The following PDE4B variants were observed in gnomAD, a reference collection of about 807,000 sequenced individuals.
PDE4B encodes the protein phosphodiesterase 4B.
Under a neutral mutation model 82.2 loss-of-function variants are expected in PDE4B, and 20 were observed. That is an observed-to-expected ratio of 0.24 (90% CI 0.17 to 0.35). PDE4B has a LOEUF of 0.35. Ranked by LOEUF, PDE4B falls within the 10% of genes least tolerant of loss-of-function variation. The pLI, the probability that PDE4B is intolerant of heterozygous loss-of-function variation, is 1.00. For synonymous variants in PDE4B, 320 were observed against 318.9 expected, an observed-to-expected ratio of 1.00 and a Z score of -0.04; for missense variants, 655 against 907.2, an observed-to-expected ratio of 0.72 and a Z score of 3.57.
At chr1:66,206,927 A>G (rs1047307024) in intron 3 of PDE4B, among the ~76,000 whole-genome samples, 1 of 152,236 alleles carries the variant, frequency 6.6e-6, no homozygotes, top group Non-Finnish European at 1.5e-5. Flanking sequence ...AGCCCAGCTT[A>G]TCATGGACTG....
intron 1 of PDE4B, among the ~76,000 whole-genome samples, chr1:65,844,760 A>G (rs941869192): frequency 6.6e-5 from 10 of 152,180 alleles, no homozygotes; most frequent in African/African-American, 1.7e-4. Flanking sequence ...GGGAGGATAT[A>G]CTAGGCATTC....
At chr1:65,918,565 CTT>C in intron 2 of PDE4B, 30 bp from the exon 3 acceptor site, 1 of 1,276,716 alleles carries the variant, frequency 7.8e-7, no homozygotes, top group Non-Finnish European at 1.1e-6. Context: ...TTTTCTTTCT[CTT>C]CTTTTTTTCT....
At chr1:66,133,286 A>G (rs548354552) in intron 3 of PDE4B, among the ~76,000 whole-genome samples, 5 of 152,314 alleles carry the variant, frequency 3.3e-5, no homozygotes, top group African/African-American at 1.2e-4. Flanking sequence ...CTTCCCATAT[A>G]TTAGAGACAG....
At chr1:65,822,415 T>C (rs1645963728) in intron 1 of PDE4B, among the ~76,000 whole-genome samples, 1 of 152,260 alleles carries the variant, frequency 6.6e-6, no homozygotes, top group South Asian at 2.1e-4. Flanking sequence ...AAATGATGCC[T>C]TTTTTTCCCC....
chr1:65,845,922 A>G (rs1237695301), intron 1 of PDE4B, among the ~76,000 whole-genome samples: 1 of 152,142 alleles, frequency 6.6e-6, no homozygotes, highest in Non-Finnish European at 1.5e-5. Flanking sequence ...TAGGGAAGTA[A>G]ATTACCATCT....
chr1:66,256,665 G>T (rs991248668), intron 4 of PDE4B, among the ~76,000 whole-genome samples: 1 of 152,154 alleles, frequency 6.6e-6, no homozygotes, highest in Non-Finnish European at 1.5e-5. Context: ...GGAGCCCCAG[G>T]CCTCGTGTGG....
intron 3 of PDE4B, among the ~76,000 whole-genome samples, chr1:66,032,963 T>C (rs1176614904): frequency 1.3e-5 from 2 of 152,160 alleles, no homozygotes; most frequent in African/African-American, 4.8e-5. Context: ...CTCATTTATC[T>C]AATTCTTAAT....
intron 3 of PDE4B, among the ~76,000 whole-genome samples, chr1:66,013,964 G>A (rs950697742): frequency 9.2e-5 from 14 of 151,968 alleles, no homozygotes; most frequent in South Asian, 4.1e-4. Context: ...ATTATTTTCT[G>A]TTATTTTTTT....
chr1:66,343,119 C>A (rs1661134620), intron 8 of PDE4B, among the ~76,000 whole-genome samples: 1 of 151,898 alleles, frequency 6.6e-6, no homozygotes. Flanking sequence ...GAGGGAAAAT[C>A]CATTTACAGG....
chr1:66,006,781 A>G (rs75214587), intron 3 of PDE4B, among the ~76,000 whole-genome samples: 1 of 152,048 alleles, frequency 6.6e-6, no homozygotes, highest in African/African-American at 2.4e-5. Flanking sequence ...TCCTTCCTGC[A>G]ATCATGTGAA....
intron 7 of PDE4B, among the ~76,000 whole-genome samples, chr1:66,281,851 C>G (rs1338193843): frequency 1.3e-5 from 2 of 152,150 alleles, no homozygotes; most frequent in Non-Finnish European, 2.9e-5. Flanking sequence ...TAAAACTATG[C>G]CTCCATGAAT....
At chr1:66,348,848 G>C (rs1009963705) in intron 8 of PDE4B, among the ~76,000 whole-genome samples, 3 of 151,978 alleles carry the variant, frequency 2.0e-5, no homozygotes, top group African/African-American at 7.2e-5. Flanking sequence ...GGTATAAATA[G>C]TTACAGTATC....
At chr1:66,014,185 G>A (rs551157954) in intron 3 of PDE4B, among the ~76,000 whole-genome samples, 1 of 152,104 alleles carries the variant, frequency 6.6e-6, no homozygotes, top group Non-Finnish European at 1.5e-5. Flanking sequence ...ATATATTCTA[G>A]GTATTAGCCC....
chr1:66,061,388 A>G (rs1019053135), intron 3 of PDE4B, among the ~76,000 whole-genome samples: 1 of 151,858 alleles, frequency 6.6e-6, no homozygotes, highest in Non-Finnish European at 1.5e-5. Context: ...ATGTCTGGAT[A>G]TGAGTTCAGA....
chr1:66,041,825 C>T (rs12138584), intron 3 of PDE4B, among the ~76,000 whole-genome samples: 61 of 40,502 alleles, frequency 1.5e-3, no homozygotes, highest in East Asian at 2.8e-3. Flanking sequence ...CACACACACA[C>T]ACATACACAC....
chr1:66,282,043 G>A (rs548747890), intron 7 of PDE4B, among the ~76,000 whole-genome samples: 1 of 152,272 alleles, frequency 6.6e-6, no homozygotes, highest in East Asian at 1.9e-4. Context: ...TGCATGTGAT[G>A]CCCACACAGG....
chr1:66,257,222 G>A (rs1654305250), intron 4 of PDE4B: 1 of 190,702 alleles, frequency 5.2e-6, no homozygotes, highest in Admixed American at 5.5e-5. Context: ...ACAAAAGCCA[G>A]GAAATCCAAA....
At chr1:66,367,657 C>T in intron 13 of PDE4B, 39 bp from the exon 14 acceptor site, 1 of 1,522,518 alleles carries the variant, frequency 6.6e-7, no homozygotes, top group Non-Finnish European at 9.0e-7. Flanking sequence ...CAAATCATAT[C>T]CCTTTTTAAT....
intron 2 of PDE4B, among the ~76,000 whole-genome samples, chr1:65,916,999 G>A (rs1180490037): frequency 1.3e-5 from 2 of 152,086 alleles, no homozygotes; most frequent in East Asian, 3.8e-4. Flanking sequence ...TCATTTTCTG[G>A]TATGGAGGGT....
Sources: gnomAD v4.1 joint callset for allele counts (sites outside exome capture counted in the v4.1 genomes callset) on GRCh38, gnomAD v4.1.1 for gene constraint, MANE v1.5 for transcripts, NCBI Gene and HGNC (gene_info 2026-07-23, HGNC 2026-07-21) for gene names.